Variants in FCHO1 observed in about 807,000 individuals in gnomAD.
The protein encoded by FCHO1 is FCH and mu domain containing endocytic adaptor 1.
Under a neutral mutation model 114.4 loss-of-function variants are expected in FCHO1, and 45 were observed. The ratio of observed to expected loss-of-function variants is 0.39; its 90% CI spans 0.31 to 0.50. FCHO1 has a LOEUF of 0.50. Among genes scored for constraint, FCHO1 ranks in the 20% least tolerant of loss-of-function variants. The pLI is 0.77. For synonymous variants in FCHO1, 480 were observed against 488.9 expected (o/e 0.98, Z 0.24); for missense variants, 1,042 against 1,209.6 (o/e 0.86, Z 2.06).
chr19:17,748,507 T>TGC (rs147868839), upstream of FCHO1, among the ~76,000 whole-genome samples: 1 of 134,346 alleles, frequency 7.4e-6, no homozygotes, highest in African/African-American at 2.8e-5. Context: ...AGCCTGGACT[T>TGC]GGGGGGGGGG....
upstream of FCHO1, among the ~76,000 whole-genome samples, chr19:17,751,058 T>C (rs1467975696): frequency 6.6e-6 from 1 of 152,084 alleles, no homozygotes; most frequent in Admixed American, 6.6e-5. The surrounding 1 kb of genome is among the most constrained non-coding windows in gnomAD (Gnocchi z 4.4). Context: ...GCCAGGATAG[T>C]GTCAACCTCT....
intron 26 of FCHO1, among the ~76,000 whole-genome samples, chr19:17,786,312 G>A (rs1034306323): frequency 2.0e-5 from 3 of 151,902 alleles, no homozygotes; most frequent in African/African-American, 4.8e-5. Flanking sequence ...CAGCCGGGGC[G>A]ACAGAGGGAG....
At chr19:17,759,076 C>T (rs1021499547) in intron 4 of FCHO1, among the ~76,000 whole-genome samples, 13 of 152,016 alleles carry the variant, frequency 8.6e-5, no homozygotes, top group African/African-American at 2.9e-4. Flanking sequence ...ATGGAAAACC[C>T]GCCAAATGCT....
rs558097465 is a variant in FCHO1, at chr19:17,773,869, AC to A, written c.791-367del. ...TACCCTTTCCAAGCGCAGTCTCCCC[AC>A]CCTCAATTTAGTTTCTTTCTCTCTC... On this transcript the variant is annotated intron_variant, in intron 11 of 28. Transcript: ENST00000596536. Among the ~76,000 whole-genome samples, 336 of 142,348 alleles carry A rather than the reference AC, an allele frequency of 2.4e-3. 4 individuals are homozygous for A. Among genetic ancestry groups the A allele is most frequent in the African/African-American group, 8.2e-3 (315 of 38,254 alleles). 93.4% of individuals were successfully genotyped at this position (142,348 alleles called of 152,430 possible).
At chr19:17,782,163 C>T (rs544316249) in intron 23 of FCHO1, among the ~76,000 whole-genome samples, 1 of 152,180 alleles carries the variant, frequency 6.6e-6, no homozygotes, top group African/African-American at 2.4e-5. Context: ...ATGCGTGCCA[C>T]TGCACCCGAC....
rs2091130447 is a variant in FCHO1 at position 17,770,360 on chromosome 19, A to G, written c.337-65A>G. The G allele has an allele frequency of 4.7e-6, 7 of 1,482,834 alleles. No homozygotes were observed. The African/African-American group carries it at 5.6e-5, about 12-fold the overall frequency. The allele number at this position is 1,482,834 out of a possible 1,614,324, so 91.9% of individuals were successfully genotyped here. A position where few individuals can be genotyped will look rare whatever the true frequency, so the allele number is the denominator to read the frequency against. ...AGAAAAAGACTGTGGAGCTGACATC[A>G]CGTGGAGTGTTTGGGAGGTCAGGAA... On this transcript the variant is annotated intron_variant, in intron 7 of 28. Transcript: ENST00000596536.
At chr19:17,771,917 A>G (rs192109278) in intron 9 of FCHO1, among the ~76,000 whole-genome samples, 23 of 151,966 alleles carry the variant, frequency 1.5e-4, no homozygotes, top group African/African-American at 4.3e-4. Context: ...GGCTCAAGTG[A>G]TTCTCCTGCC....
chr19:17,771,025 G>A (rs13345061), intron 9 of FCHO1, 129 bp downstream of exon 9: 97,586 of 692,772 alleles, frequency 0.14, 7,822 homozygotes, highest in Non-Finnish European at 0.15. Context: ...AGGCCGAGGC[G>A]GGAGGATCAC....
At chr19:17,751,465 C>G (rs571520837), upstream of FCHO1, 4 of 152,232 alleles carry the variant, frequency 2.6e-5, no homozygotes, top group Non-Finnish European at 2.9e-5. This position sits in a 1 kb window ranked among gnomAD's most constrained non-coding sequence, Gnocchi z 4.4. Context: ...CTGTCCCCCC[C>G]CCAACCCATG....
intron 4 of FCHO1, among the ~76,000 whole-genome samples, chr19:17,761,137 G>A (rs2085973076): frequency 6.6e-6 from 1 of 152,204 alleles, no homozygotes; most frequent in Non-Finnish European, 1.5e-5. Flanking sequence ...ACAGGTAACA[G>A]CAGAATCATT....
chr19:17,783,061 C>G lies in FCHO1; in HGVS notation c.1982C>G (p.Ala661Gly), dbSNP rs2093567567. 1 of 1,614,046 alleles carries G rather than the reference C, an allele frequency of 6.2e-7. No individual in the cohort carries two copies. Among genetic ancestry groups the G allele is most frequent in the African/African-American group, 1.3e-5 (1 of 74,922 alleles). ...VTGELTMTFP[A>G]GIVRVFSGTP... ...GGGGAGCTGACCATGACCTTCCCTG[C>G]TGGCATCGTGCGTGTGTTCAGCGGG... Residue 661 changes from alanine to glycine, a missense_variant, in exon 24 of 29, where the codon GCT becomes GGT. Physicochemically the swap from Ala to Gly is moderately conservative, Grantham distance 60. Around this residue, in one of 3 missense-constraint regions of FCHO1, gnomAD observed 455 missense variants for 455.4 expected, o/e 1.00. Coordinates refer to ENST00000596536, the MANE Select transcript of FCHO1 (RefSeq NM_015122.3).
chr19:17,759,869 G>C (rs1208595879), intron 4 of FCHO1, among the ~76,000 whole-genome samples: 1 of 151,918 alleles, frequency 6.6e-6, no homozygotes, highest in Non-Finnish European at 1.5e-5. Flanking sequence ...CTTTTCCTCA[G>C]TTCTATTCAT....
At chr19:17,787,053 G>C (rs928834795) in intron 27 of FCHO1, among the ~76,000 whole-genome samples, 2 of 151,478 alleles carry the variant, frequency 1.3e-5, no homozygotes, top group African/African-American at 4.9e-5. Flanking sequence ...GTGAAACCCT[G>C]TCTCTACTAA....
intron 7 of FCHO1, among the ~76,000 whole-genome samples, chr19:17,770,082 C>T (rs575364370): frequency 7.9e-5 from 12 of 152,058 alleles, no homozygotes; most frequent in African/African-American, 2.4e-4. Context: ...GGCAGATCAC[C>T]TGAGGTCAGG....
chr19:17,776,444 G>A lies in FCHO1; in HGVS notation c.1207+173G>A, dbSNP rs1346336087. 6.6e-6 allele frequency among the ~76,000 whole-genome samples: 1 copy of A among 152,212 alleles called. No homozygotes were observed. Among genetic ancestry groups the A allele is most frequent in the Non-Finnish European group, 1.5e-5 (1 of 68,034 alleles). On this transcript the variant is annotated intron_variant, in intron 17 of 28. Transcript: ENST00000596536. The surrounding 1 kb of genome is among the most constrained non-coding windows in gnomAD (Gnocchi z 4.4). ...TTATGAAATTAAGTGAGAGCTGAAAGGGGTAGCTGGGGCCAGGAGAAGCTA... is the reference window on the plus strand; with the variant it reads ...TTATGAAATTAAGTGAGAGCTGAAAAGGGTAGCTGGGGCCAGGAGAAGCTA...
At chr19:17,780,974 G>A (rs561941818) in intron 20 of FCHO1, among the ~76,000 whole-genome samples, 23 of 152,364 alleles carry the variant, frequency 1.5e-4, no homozygotes, top group African/African-American at 5.1e-4. Flanking sequence ...TAAGCCTTCA[G>A]TGCTTGCTTG....
chr19:17,761,787 A>G (rs2086357097), intron 4 of FCHO1, among the ~76,000 whole-genome samples: 1 of 151,374 alleles, frequency 6.6e-6, no homozygotes. Context: ...CGGCCTCCCA[A>G]GTAGCTGGGA....
intron 3 of FCHO1, 48 bp from the exon 4 acceptor site, chr19:17,755,070 G>A (rs1416540265): frequency 8.3e-7 from 1 of 1,209,838 alleles, no homozygotes; most frequent in Non-Finnish European, 1.2e-6. Flanking sequence ...CCCCCACCAA[G>A]CCCACACTGG....
At chr19:17,782,170 C>T (rs1022936972) in intron 23 of FCHO1, among the ~76,000 whole-genome samples, 4 of 151,764 alleles carry the variant, frequency 2.6e-5, no homozygotes, top group Admixed American at 6.6e-5. Flanking sequence ...CCACTGCACC[C>T]GACTAAATTA....
Sources: gnomAD v4.1 joint callset for allele counts (sites outside exome capture counted in the v4.1 genomes callset) on GRCh38, gnomAD v4.1.1 for gene constraint, gnomAD v4.1.1 regional missense constraint, Gnocchi (gnomAD v3.1) non-coding constraint, MANE v1.5 for transcripts, NCBI Gene and HGNC (gene_info 2026-07-23, HGNC 2026-07-21) for gene names.